TMEM47: variants seen among roughly 807,000 people sequenced by gnomAD.
The protein encoded by TMEM47 is brain cell membrane protein 1.
Under a neutral mutation model 12.4 loss-of-function variants are expected in TMEM47, and 3 were observed. The ratio of observed to expected loss-of-function variants is 0.24; its 90% CI spans 0.11 to 0.63. The LOEUF is 0.63. Among genes scored for constraint, TMEM47 ranks in the 20% least tolerant of loss-of-function variants. The probability of loss-of-function intolerance (pLI) is 0.86; values close to 1 mark genes in which losing one functional copy is unlikely to be tolerated. For missense variants in TMEM47, 89 were observed against 143.8 expected (o/e 0.62, Z 1.95); for synonymous variants, 62 against 63.3 (o/e 0.98, Z 0.10).
chrX:34,636,283 T>C (rs2147138015), intron 2 of TMEM47, among the ~76,000 whole-genome samples: 1 of 111,342 alleles, frequency 9.0e-6, no homozygotes, highest in East Asian at 2.9e-4. Context: ...AGCTCAGAGA[T>C]GGAAATCAGC....
At chrX:34,656,360 C>G (rs1182806907) in intron 1 of TMEM47, among the ~76,000 whole-genome samples, 1 of 108,909 alleles carries the variant, frequency 9.2e-6, no homozygotes, top group East Asian at 2.9e-4. Context: ...AATTCGTCCT[C>G]GAGAGAGGAA....
In TMEM47 at chrX:34,630,078, T is replaced by C; in HGVS notation, c.*235A>G. The C allele has an allele frequency of 3.2e-6, 1 of 312,337 alleles. No individual in the cohort carries two copies. Among genetic ancestry groups the C allele is most frequent in the Non-Finnish European group, 5.7e-6 (1 of 176,740 alleles). 25.7% of individuals were successfully genotyped at this position (312,337 alleles called of 1,213,427 possible). A position where few individuals can be genotyped will look rare whatever the true frequency, so the allele number is the denominator to read the frequency against. On this transcript the variant is annotated 3_prime_UTR_variant, in exon 3 of 3. Transcript: ENST00000275954. The stretch of plus-strand genomic sequence containing the variant: ...GTCAAGAAAAACGATATGAACATAT[T>C]GGAAGTTTGCAGCATTTGCCTATGT...
At chrX:34,656,125 A>G (rs1207616416) in intron 1 of TMEM47, among the ~76,000 whole-genome samples, 3 of 111,584 alleles carry the variant, frequency 2.7e-5, no homozygotes, top group Non-Finnish European at 5.6e-5. Flanking sequence ...GCTCATGGAG[A>G]AAAGAAAGGT....
At chrX:34,644,749 G>A (rs1921879777) in intron 1 of TMEM47, among the ~76,000 whole-genome samples, 1 of 111,684 alleles carries the variant, frequency 9.0e-6, no homozygotes, top group Non-Finnish European at 1.9e-5. Flanking sequence ...CTACTGTTTA[G>A]GTGGGTAGTA....
intron 2 of TMEM47, among the ~76,000 whole-genome samples, 159 bp downstream of exon 2, chrX:34,639,088 A>G (rs1921768651): frequency 8.9e-6 from 1 of 112,082 alleles, no homozygotes; most frequent in Non-Finnish European, 1.9e-5. Flanking sequence ...AAAACTGATA[A>G]TCTGATAAAC....
rs1320077921 is a variant in TMEM47 at position 34,656,808 on chromosome X, G to T, written c.222C>A (p.Ser74Arg). 1 of 1,163,833 alleles carries T rather than the reference G, an allele frequency of 8.6e-7. No homozygotes were observed. The highest frequency in any genetic ancestry group is 1.1e-6 in the Non-Finnish European group (1 of 872,421). ...CGCGGCGCGCCAGGCCCTCACCGCT[G>T]CTGAGCGTGGACTCGCAGTGCCAGA... ...LDIWHCESTLSSDWQIATLAL... is the reference protein window; with the variant it reads ...LDIWHCESTLRSDWQIATLAL... The change falls in exon 1 of 3, where the codon AGC becomes AGA. Residue 74 changes from serine to arginine, a missense_variant. Coordinates refer to ENST00000275954, the MANE Select transcript of TMEM47 (RefSeq NM_031442.4).
intron 1 of TMEM47, among the ~76,000 whole-genome samples, chrX:34,645,309 T>C (rs1239553836): frequency 8.9e-6 from 1 of 111,994 alleles, no homozygotes; most frequent in Non-Finnish European, 1.9e-5. Flanking sequence ...TTTTCCCAAC[T>C]AGCTCACTTT....
At chrX:34,647,566 A>G (rs16991448) in intron 1 of TMEM47, among the ~76,000 whole-genome samples, 5,066 of 111,496 alleles carry the variant, frequency 0.045, 248 homozygotes, top group African/African-American at 0.15. Flanking sequence ...TGATTAGAAT[A>G]GAAAATTGAT....
At chrX:34,649,220 A>G (rs919494558) in intron 1 of TMEM47, among the ~76,000 whole-genome samples, 1 of 111,905 alleles carries the variant, frequency 8.9e-6, no homozygotes, top group Non-Finnish European at 1.9e-5. Flanking sequence ...AAAAGAACAG[A>G]AATTGTTCTA....
In TMEM47 at chrX:34,630,177, G is replaced by T; in HGVS notation, c.*136C>A. The stretch of plus-strand genomic sequence containing the variant: ...CTGGTTATGATGTTGACAGCCAAAA[G>T]GCAAAAAAGATTAAATCAACTGAGC... On this transcript the variant is annotated 3_prime_UTR_variant, in exon 3 of 3. Coordinates refer to ENST00000275954, the MANE Select transcript of TMEM47 (RefSeq NM_031442.4). 1 of 642,915 alleles carries T rather than the reference G, an allele frequency of 1.6e-6. No homozygotes were observed. The highest frequency in any genetic ancestry group is 2.2e-6 in the Non-Finnish European group (1 of 446,697). The allele number at this position is 642,915 out of a possible 1,213,427, so 53.0% of individuals were successfully genotyped here.
At chrX:34,637,584 A>G (rs1393285373) in intron 2 of TMEM47, among the ~76,000 whole-genome samples, 4 of 110,479 alleles carry the variant, frequency 3.6e-5, no homozygotes, top group African/African-American at 1.3e-4. Context: ...GCTTCCTAAG[A>G]CCCCAAAAGA....
intron 1 of TMEM47, among the ~76,000 whole-genome samples, chrX:34,651,453 C>T (rs113936046): frequency 2.3e-4 from 26 of 112,140 alleles, no homozygotes; most frequent in Non-Finnish European, 4.1e-4. Context: ...CAGTTCCAGA[C>T]GTTCTGGTTC....
intron 1 of TMEM47, among the ~76,000 whole-genome samples, chrX:34,639,632 T>G (rs887928250): frequency 8.9e-6 from 1 of 111,898 alleles, no homozygotes; most frequent in Admixed American, 9.5e-5. Flanking sequence ...TTCCAAGGAC[T>G]CTATTAGGCA....
chrX:34,641,920 G>GA (rs1438562955), intron 1 of TMEM47, among the ~76,000 whole-genome samples: 1 of 112,294 alleles, frequency 8.9e-6, no homozygotes, highest in African/African-American at 3.2e-5. Context: ...GCAGTGGCAC[G>GA]ATCTTGGCTC....
At chrX:34,653,478 C>A (rs1479467652) in intron 1 of TMEM47, among the ~76,000 whole-genome samples, 1 of 111,688 alleles carries the variant, frequency 9.0e-6, no homozygotes, top group Admixed American at 9.5e-5. Context: ...TACACAGACA[C>A]CAAAAAGCAA....
At chrX:34,630,847 C>T (rs755661453) in intron 2 of TMEM47, among the ~76,000 whole-genome samples, 3 of 109,666 alleles carry the variant, frequency 2.7e-5, no homozygotes, top group Admixed American at 9.8e-5. Flanking sequence ...CTAAATTGTG[C>T]CACTAATAAA....
rs759172083 is a variant in TMEM47, at chrX:34,639,348, G to A, written c.266C>T (p.Ala89Val). Residue 89 changes from alanine to valine, a missense_variant, in exon 2 of 3, where the codon GCT (alanine) becomes GTT (valine). Coordinates refer to ENST00000275954, the MANE Select transcript of TMEM47 (RefSeq NM_031442.4). ...CAGGAATGCAATGAGAATGATGGCA[G>A]CGCCGCCCAGGAGTAAAGCCAGAGT... ...IATLALLLGGAAIILIAFLVG... is the reference protein window; with the variant it reads ...IATLALLLGGVAIILIAFLVG... 1 of 1,206,721 alleles carries A rather than the reference G, an allele frequency of 8.3e-7. No individual in the cohort carries two copies. The highest frequency in any genetic ancestry group is 3.0e-5 in the East Asian group (1 of 33,586).
intron 1 of TMEM47, among the ~76,000 whole-genome samples, chrX:34,650,574 A>G (rs763418617): frequency 3.2e-4 from 36 of 112,242 alleles, no homozygotes; most frequent in African/African-American, 1.1e-3. Context: ...AACAAAAAAT[A>G]ACTCTAACTC....
chrX:34,633,002 G>A (rs760931608), intron 2 of TMEM47, among the ~76,000 whole-genome samples: 5 of 110,357 alleles, frequency 4.5e-5, no homozygotes, highest in African/African-American at 6.6e-5. Flanking sequence ...CTGTTCACTC[G>A]TCAAATCTGT....
Sources: allele counts gnomAD v4.1 joint callset (sites outside exome capture counted in the v4.1 genomes callset), GRCh38; gene constraint gnomAD v4.1.1; transcripts MANE v1.5; gene names NCBI Gene and HGNC (gene_info 2026-07-23, HGNC 2026-07-21).